The following FHIT variants were observed in gnomAD, a reference collection of about 807,000 sequenced individuals.
FHIT encodes bis(5'-adenosyl)-triphosphatase.
Under a neutral mutation model 17.9 loss-of-function variants are expected in FHIT, and 19 were observed. The ratio of observed to expected loss-of-function variants is 1.06; its 90% CI spans 0.74 to 1.56. The LOEUF is 1.56. Among genes scored for constraint, FHIT ranks in the 40% most tolerant of loss-of-function variants. The pLI is 0.00. For missense variants in FHIT, 248 were observed against 189.2 expected, an observed-to-expected ratio of 1.31 and a Z score of -1.82; for synonymous variants, 81 against 69.7, an observed-to-expected ratio of 1.16 and a Z score of -0.81.
chr3:61,190,470 T>G (rs916597969), intron 2 of FHIT, among the ~76,000 whole-genome samples: 3 of 152,174 alleles, frequency 2.0e-5, no homozygotes, highest in African/African-American at 7.2e-5. Flanking sequence ...GGAACACTGT[T>G]ACACTGTTGG....
chr3:60,789,304 G>A (rs1700698533), intron 4 of FHIT, among the ~76,000 whole-genome samples: 1 of 151,908 alleles, frequency 6.6e-6, no homozygotes, highest in South Asian at 2.1e-4. Flanking sequence ...AGATCACGAG[G>A]TCAAGAGATC....
chr3:60,907,922 T>A (rs375966922), intron 3 of FHIT, among the ~76,000 whole-genome samples: 1 of 152,214 alleles, frequency 6.6e-6, no homozygotes, highest in African/African-American at 2.4e-5. Context: ...TGGAAACCTA[T>A]AGAAGTAAAA....
At chr3:60,817,500 A>G (rs1701781385) in intron 4 of FHIT, among the ~76,000 whole-genome samples, 1 of 151,686 alleles carries the variant, frequency 6.6e-6, no homozygotes, top group African/African-American at 2.4e-5. Flanking sequence ...TACACATAGA[A>G]TTCTGGATTA....
At chr3:60,547,355 C>G (rs1040357733) in intron 4 of FHIT, among the ~76,000 whole-genome samples, 2 of 151,980 alleles carry the variant, frequency 1.3e-5, no homozygotes, top group Non-Finnish European at 2.9e-5. Flanking sequence ...TTGTAGTGAG[C>G]ATTAGCCAAG....
chr3:59,881,148 C>T (rs1009766040), intron 8 of FHIT, among the ~76,000 whole-genome samples: 2 of 152,162 alleles, frequency 1.3e-5, no homozygotes, highest in African/African-American at 4.8e-5. Flanking sequence ...TTTCATCTAT[C>T]CCCTAATCAT....
At chr3:59,902,161 C>A (rs551118303) in intron 8 of FHIT, among the ~76,000 whole-genome samples, 1 of 151,984 alleles carries the variant, frequency 6.6e-6, no homozygotes, top group Admixed American at 6.5e-5. Flanking sequence ...GATATTTTTC[C>A]GAAGGGGACA....
intron 8 of FHIT, among the ~76,000 whole-genome samples, chr3:59,855,950 T>G (rs1383582284): frequency 1.3e-5 from 2 of 151,740 alleles, no homozygotes; most frequent in African/African-American, 4.8e-5. Flanking sequence ...CCGGCTAATT[T>G]TTTTGTATTT....
At position 60,164,936 on chromosome 3, in the gene FHIT, G is replaced by T. The variant is rs541414385; in HGVS notation, c.104-150784C>A. Among the ~76,000 whole-genome samples the T allele has an allele frequency of 1.6e-4, 24 of 152,244 alleles. 2 individuals carry two copies. Among genetic ancestry groups the T allele is most frequent in the Admixed American group, 1.3e-3 (20 of 15,290 alleles). On this transcript the variant is annotated intron_variant, in intron 5 of 9. Coordinates refer to ENST00000492590, the MANE Select transcript of FHIT (RefSeq NM_002012.4). ...CCAATTTTCCAGGACAGATAACCCA[G>T]TTAGAAACAACCGACTTGTGTGAAA...
At chr3:60,147,734 G>A (rs1410411293) in intron 5 of FHIT, among the ~76,000 whole-genome samples, 2 of 152,154 alleles carry the variant, frequency 1.3e-5, no homozygotes, top group African/African-American at 4.8e-5. Flanking sequence ...TATCTTCCCG[G>A]AGCTTCTCTT....
At chr3:60,954,483 C>A (rs1469612240) in intron 3 of FHIT, among the ~76,000 whole-genome samples, 1 of 152,136 alleles carries the variant, frequency 6.6e-6, no homozygotes, top group Admixed American at 6.6e-5. Context: ...GGGACAAGAT[C>A]TATGTACATA....
chr3:60,055,285 C>T (rs1702036498), intron 5 of FHIT, among the ~76,000 whole-genome samples: 2 of 151,984 alleles, frequency 1.3e-5, no homozygotes, highest in African/African-American at 4.8e-5. Flanking sequence ...CTAGAGTGGG[C>T]CTCTTTTTGT....
intron 5 of FHIT, among the ~76,000 whole-genome samples, chr3:60,307,108 T>G (rs866176134): frequency 1.3e-5 from 2 of 152,130 alleles, no homozygotes; most frequent in Non-Finnish European, 2.9e-5. Flanking sequence ...CATAAAATTA[T>G]GGACACAACT....
At chr3:60,968,208 C>T (rs1424929015) in intron 3 of FHIT, among the ~76,000 whole-genome samples, 5 of 152,150 alleles carry the variant, frequency 3.3e-5, no homozygotes, top group African/African-American at 9.7e-5. Context: ...CACATCTTAG[C>T]CCATGTAGTA....
At position 60,246,930 on chromosome 3, in the gene FHIT, G is replaced by A. The variant is rs986135681; in HGVS notation, c.104-232778C>T. Among the ~76,000 whole-genome samples the A allele has an allele frequency of 3.3e-5, 5 of 152,070 alleles. No individual in the cohort carries two copies. The East Asian group carries it at 9.6e-4, about 29-fold the overall frequency. On this transcript the variant is annotated intron_variant, in intron 5 of 9. Transcript: ENST00000492590. ...ATGACAATATAGGGCTTATAAAAGTGGAACACAGAGGATTTTCAGTGCATT... is the reference window on the plus strand; with the variant it reads ...ATGACAATATAGGGCTTATAAAAGTAGAACACAGAGGATTTTCAGTGCATT...
At chr3:60,584,364 C>A (rs782235911) in intron 4 of FHIT, among the ~76,000 whole-genome samples, 1 of 151,982 alleles carries the variant, frequency 6.6e-6, no homozygotes, top group Non-Finnish European at 1.5e-5. Context: ...TTCCAACAGA[C>A]AAACTCCTCT....
chr3:59,755,846 T>G (rs1405604284), intron 8 of FHIT, among the ~76,000 whole-genome samples: 1 of 146,730 alleles, frequency 6.8e-6, no homozygotes, highest in African/African-American at 2.6e-5. Context: ...TGAAAAACAG[T>G]GATGGAGGGA....
chr3:59,986,522 T>A (rs796864278), intron 7 of FHIT, among the ~76,000 whole-genome samples: 272 of 4,926 alleles, frequency 0.055, no homozygotes, highest in Non-Finnish European at 0.069. Context: ...TATATATATA[T>A]ATATATATAT....
At chr3:60,825,390 T>C (rs1553740621) in intron 3 of FHIT, among the ~76,000 whole-genome samples, 1 of 152,216 alleles carries the variant, frequency 6.6e-6, no homozygotes, top group Non-Finnish European at 1.5e-5. Context: ...AGTGTGGATG[T>C]TTCATAAATG....
At chr3:59,919,127 T>C (rs1375965304) in intron 8 of FHIT, among the ~76,000 whole-genome samples, 1 of 152,148 alleles carries the variant, frequency 6.6e-6, no homozygotes, top group East Asian at 1.9e-4. Flanking sequence ...TTGTAAAACC[T>C]GAAAATGGCG....
Sources: gnomAD v4.1 joint callset for allele counts (sites outside exome capture counted in the v4.1 genomes callset) on GRCh38, gnomAD v4.1.1 for gene constraint, MANE v1.5 for transcripts, NCBI Gene and HGNC (gene_info 2026-07-23, HGNC 2026-07-21) for gene names.